Variants in RFX3 observed in about 807,000 individuals in gnomAD.
RFX3 encodes regulatory factor X3, also known as transcription factor RFX3.
In RFX3, 14 loss-of-function variants were observed where a neutral mutation model predicts 98.6. The ratio of observed to expected loss-of-function variants is 0.14; its 90% confidence interval spans 0.09 to 0.22. The LOEUF (loss-of-function observed/expected upper bound fraction) is 0.22, where lower values mean the gene tolerates loss of function less well. RFX3 is among the 10% of genes least tolerant of loss of function. RFX3 has a pLI of 1.00. For missense variants in RFX3, 639 were observed against 926.9 expected (o/e 0.69, Z 4.03); for synonymous variants, 383 against 328.4 (o/e 1.17, Z -1.80).
chr9:3,347,458 A>T (rs1325122545), intron 2 of RFX3, among the ~76,000 whole-genome samples: 1 of 152,210 alleles, frequency 6.6e-6, no homozygotes, highest in Non-Finnish European at 1.5e-5. Context: ...AAAATCCTGT[A>T]ATAACCCTAT....
intron 11 of RFX3, among the ~76,000 whole-genome samples, chr9:3,267,382 A>C (rs1342009565): frequency 1.3e-5 from 2 of 151,906 alleles, no homozygotes; most frequent in Non-Finnish European, 2.9e-5. Context: ...GATGGGCTTA[A>C]ATTCCTTGGT....
intron 2 of RFX3, among the ~76,000 whole-genome samples, chr9:3,366,694 C>CTTTCTTTCTTTT (rs1837149747): frequency 4.8e-4 from 4 of 8,304 alleles, no homozygotes; most frequent in African/African-American, 1.3e-3. Context: ...TCTTTCTTTC[C>CTTTCTTTCTTTT]TTTCTTTCTT....
chr9:3,314,683 C>A (rs1184398674), intron 4 of RFX3, among the ~76,000 whole-genome samples: 1 of 151,626 alleles, frequency 6.6e-6, no homozygotes, highest in Non-Finnish European at 1.5e-5. Flanking sequence ...GGAAGATCTA[C>A]CAAGCAAATG....
intron 1 of RFX3, among the ~76,000 whole-genome samples, chr9:3,475,577 G>A (rs917843495): frequency 3.9e-5 from 6 of 152,156 alleles, no homozygotes; most frequent in African/African-American, 7.2e-5. Context: ...CATATACAGC[G>A]TATGCAATAG....
intron 2 of RFX3, among the ~76,000 whole-genome samples, chr9:3,353,198 G>A (rs1301673265): frequency 2.4e-4 from 36 of 147,964 alleles, no homozygotes; most frequent in African/African-American, 8.3e-4. Flanking sequence ...GGACTGTTGT[G>A]GGGTAGGGGG....
intron 1 of RFX3, among the ~76,000 whole-genome samples, chr9:3,470,625 G>T (rs1342294530): frequency 6.6e-6 from 1 of 152,224 alleles, no homozygotes; most frequent in African/African-American, 2.4e-5. Flanking sequence ...ACCGCACCGG[G>T]CCAAAGCCCA....
chr9:3,369,918 CCT>C (rs1554682514), intron 2 of RFX3, among the ~76,000 whole-genome samples: 3 of 151,872 alleles, frequency 2.0e-5, no homozygotes. Flanking sequence ...CAAGCTCCGC[CCT>C]CGGGTTCCCG....
chr9:3,336,368 T>C (rs973657511), intron 3 of RFX3, among the ~76,000 whole-genome samples: 3 of 150,498 alleles, frequency 2.0e-5, no homozygotes, highest in African/African-American at 7.3e-5. Context: ...AGAAAGAAAA[T>C]AAGATAATTA....
chr9:3,361,775 C>A (rs1487867520), intron 2 of RFX3, among the ~76,000 whole-genome samples: 3 of 151,814 alleles, frequency 2.0e-5, no homozygotes. Context: ...TAGGGAGACC[C>A]TGCCTCTACA....
At chr9:3,375,407 C>G (rs1838353172) in intron 2 of RFX3, among the ~76,000 whole-genome samples, 1 of 152,136 alleles carries the variant, frequency 6.6e-6, no homozygotes, top group Admixed American at 6.6e-5. Context: ...CATGCTGCGG[C>G]CACATTTAAA....
chr9:3,499,214 A>G (rs1236059948), intron 1 of RFX3, among the ~76,000 whole-genome samples: 1 of 152,126 alleles, frequency 6.6e-6, no homozygotes, highest in Non-Finnish European at 1.5e-5. Context: ...ATATAAATGA[A>G]CTGAGCAAGT....
At chr9:3,284,092 A>G (rs1337833853) in intron 7 of RFX3, among the ~76,000 whole-genome samples, 1 of 151,808 alleles carries the variant, frequency 6.6e-6, no homozygotes, top group Non-Finnish European at 1.5e-5. Flanking sequence ...GTGTATGCAA[A>G]TAACAACTGA....
intron 4 of RFX3, among the ~76,000 whole-genome samples, chr9:3,307,672 C>T (rs1235459534): frequency 6.6e-6 from 1 of 152,184 alleles, no homozygotes; most frequent in Non-Finnish European, 1.5e-5. Context: ...ATATCAAACA[C>T]ATTGACATGA....
chr9:3,398,388 T>C (rs539499135), intron 1 of RFX3, among the ~76,000 whole-genome samples: 1 of 152,106 alleles, frequency 6.6e-6, no homozygotes, highest in Admixed American at 6.5e-5. Flanking sequence ...GGTCCTTTGA[T>C]TTATTACACA....
rs151146951 is a variant in RFX3 at position 3,385,994 on chromosome 9, C to A, written c.117+9478G>T. ...TTTTTTCAAACGACTGATGACTACA[C>A]TGGGTGCCTATTCAAAGTGAAAGAC... On this transcript the variant is annotated intron_variant, in intron 2 of 16. Transcript: ENST00000617270. 1.1e-4 allele frequency among the ~76,000 whole-genome samples: 17 copies of A among 152,248 alleles called. No individual in the cohort carries two copies. In the East Asian group the frequency reaches 3.1e-3, roughly 28 times the overall value.
chr9:3,351,477 A>G (rs1454420904), intron 2 of RFX3, among the ~76,000 whole-genome samples: 1 of 152,032 alleles, frequency 6.6e-6, no homozygotes, highest in Non-Finnish European at 1.5e-5. Context: ...TGAACTAACA[A>G]CAACAACAAC....
chr9:3,473,938 G>T (rs1191302596), intron 1 of RFX3, among the ~76,000 whole-genome samples: 1 of 152,090 alleles, frequency 6.6e-6, no homozygotes, highest in Non-Finnish European at 1.5e-5. Flanking sequence ...ATAAAATATA[G>T]AATATAATGT....
intron 15 of RFX3, among the ~76,000 whole-genome samples, chr9:3,246,257 ATC>A (rs1820654475): frequency 6.6e-6 from 1 of 152,078 alleles, no homozygotes; most frequent in Non-Finnish European, 1.5e-5. Context: ...CTCATGTAAA[ATC>A]TGTCATATTC....
chr9:3,361,266 C>T (rs1265390340), intron 2 of RFX3, among the ~76,000 whole-genome samples: 1 of 151,932 alleles, frequency 6.6e-6, no homozygotes, highest in African/African-American at 2.4e-5. Context: ...AGGTTAATTA[C>T]AAAAGTAACC....
Sources: allele counts gnomAD v4.1 joint callset (sites outside exome capture counted in the v4.1 genomes callset), GRCh38; gene constraint gnomAD v4.1.1; transcripts MANE v1.5; gene names NCBI Gene and HGNC (gene_info 2026-07-23, HGNC 2026-07-21).